The following EPS8 variants were observed in gnomAD, a reference collection of about 807,000 sequenced individuals.
EPS8 encodes epidermal growth factor receptor kinase substrate 8.
EPS8 carries 42 observed loss-of-function variants against 103.8 expected under a neutral mutation model. The observed-to-expected ratio is 0.40, with a 90% confidence interval of 0.32 to 0.52. The LOEUF (loss-of-function observed/expected upper bound fraction) is 0.52, where lower values mean the gene tolerates loss of function less well. Ranked by LOEUF, EPS8 falls within the 20% of genes least tolerant of loss-of-function variation. The pLI is 0.40. For missense variants in EPS8, 969 were observed against 1,005.1 expected, an observed-to-expected ratio of 0.96 and a Z score of 0.49; for synonymous variants, 344 against 344.6, an observed-to-expected ratio of 1.00 and a Z score of 0.02.
At chr12:15,653,796 TGCGC>T (rs1259781432) in intron 13 of EPS8, among the ~76,000 whole-genome samples, 1 of 151,946 alleles carries the variant, frequency 6.6e-6, no homozygotes, top group Non-Finnish European at 1.5e-5. Context: ...GCAAGCACTG[TGCGC>T]GCGCGCGCGC....
rs934232407 is a variant in EPS8, at chr12:15,747,850, C to T, written c.-22+41311G>A. On this transcript the variant is annotated intron_variant, in intron 1 of 20. Coordinates refer to ENST00000281172, the MANE Select transcript of EPS8 (RefSeq NM_004447.6). The surrounding 1 kb of genome is among the most constrained non-coding windows in gnomAD (Gnocchi z 4.4). ...CCTGGCTAACACGGTGAAACCCCGT[C>T]TCTACTAAAAATACAAAGAATTAGC... Among the ~76,000 whole-genome samples, 9 of 152,082 alleles carry T rather than the reference C, an allele frequency of 5.9e-5. No individual in the cohort carries two copies. The highest frequency in any genetic ancestry group is 1.2e-4 in the Non-Finnish European group (8 of 68,024).
In EPS8 at chr12:15,624,382, C is replaced by T; in HGVS notation, c.2070G>A (p.Val690=). ...TCAGTCTGTGGATGAGTTCATCTTG[C>T]ACTTCCTCCATCTGAGATTTCCTTC... ...VDRRKSQMEE[V]QDELIHRLTI... Residue 690 remains valine (V), a synonymous_variant, in exon 19 of 21, where the codon GTG becomes GTA. Transcript: ENST00000281172. The T allele has an allele frequency of 1.3e-6, 2 of 1,574,342 alleles. No individual in the cohort carries two copies. The highest frequency in any genetic ancestry group is 1.7e-6 in the Non-Finnish European group (2 of 1,156,420).
chr12:15,621,926 C>T (rs1005577887), intron 20 of EPS8, among the ~76,000 whole-genome samples: 1 of 152,094 alleles, frequency 6.6e-6, no homozygotes, highest in Non-Finnish European at 1.5e-5. Context: ...TCTGGCAACA[C>T]AGGCAAATAA....
At chr12:15,756,590 A>G (rs1317977855) in intron 1 of EPS8, among the ~76,000 whole-genome samples, 2 of 152,142 alleles carry the variant, frequency 1.3e-5, no homozygotes, top group Non-Finnish European at 1.5e-5. Flanking sequence ...TACCCAATCA[A>G]CAACTATTTA....
At chr12:15,710,318 A>G (rs1159442342) in intron 1 of EPS8, among the ~76,000 whole-genome samples, 1 of 152,246 alleles carries the variant, frequency 6.6e-6, no homozygotes, top group African/African-American at 2.4e-5. Flanking sequence ...GCAAAGTTAA[A>G]TAATATTGCT....
rs1273797242 is a variant in EPS8, at chr12:15,684,332, C to G, written c.-21-1360G>C. ...ATAGATAAAATCCCACTATCAGACA[C>G]TCTCCATACTATAGACAATTTTTCA... On this transcript the variant is annotated intron_variant, in intron 1 of 20. Transcript: ENST00000281172. This position sits in a 1 kb window ranked among gnomAD's most constrained non-coding sequence, Gnocchi z 4.9. The G allele has an allele frequency of 6.6e-6, 1 of 152,140 alleles. No individual in the cohort carries two copies. 9.4% of individuals were successfully genotyped at this position (152,140 alleles called of 1,614,324 possible).
In EPS8 at chr12:15,675,814, G is replaced by A. The variant is rs150938829; in HGVS notation, c.137-4891C>T. Among the ~76,000 whole-genome samples the A allele has an allele frequency of 2.0e-5, 3 of 152,260 alleles. No homozygotes were observed. In the East Asian group the frequency reaches 5.8e-4, roughly 29 times the overall value. On this transcript the variant is annotated intron_variant, in intron 3 of 20. Transcript: ENST00000281172. ...ATGAAATGATCACATTCCAAATTAA[G>A]CAATATCTAATTTAAAGAGAAGTTA...
At chr12:15,683,407 G>A (rs749176286) in intron 1 of EPS8, 1 of 152,446 alleles carries the variant, frequency 6.6e-6, no homozygotes, top group Admixed American at 6.5e-5. Flanking sequence ...ATCACCCAGA[G>A]CCCTATCATT....
At position 15,630,169 on chromosome 12, in the gene EPS8, ATC is replaced by A. The variant is rs139888217; in HGVS notation, c.2044+1271_2044+1272del. 3.7e-3 allele frequency among the ~76,000 whole-genome samples: 543 copies of A among 146,934 alleles called. 2 individuals carry two copies. Among genetic ancestry groups the A allele is most frequent in the Admixed American group, 6.4e-3 (90 of 14,164 alleles). On this transcript the variant is annotated intron_variant, in intron 18 of 20. Coordinates refer to ENST00000281172, the MANE Select transcript of EPS8 (RefSeq NM_004447.6). ...CACATTGAGGGAAAGATAGATATCC[ATC>A]TCTCTCTCTCTGTCTCTCTATCTCT... is the stretch of plus-strand genomic sequence containing the variant.
In EPS8 at chr12:15,654,515, T is replaced by G. The variant is rs891151955; in HGVS notation, c.1102-222A>C. Reference sequence around the variant, plus strand: ...AAATGAAAGTTAACAATTTAACAACTTTCACAGCATCTGCCTATGGGCTGC... The same window carrying G: ...AAATGAAAGTTAACAATTTAACAACGTTCACAGCATCTGCCTATGGGCTGC... On this transcript the variant is annotated intron_variant, in intron 12 of 20. Transcript: ENST00000281172. 8.9e-5 allele frequency: 49 copies of G among 551,760 alleles called. No individual in the cohort carries two copies. The African/African-American group carries it at 8.9e-4, about 10-fold the overall frequency. The allele number at this position is 551,760 out of a possible 1,614,324, so 34.2% of individuals were successfully genotyped here.
At chr12:15,662,999 C>CAAA (rs5796644) in intron 8 of EPS8, among the ~76,000 whole-genome samples, 21 of 128,626 alleles carry the variant, frequency 1.6e-4, no homozygotes, top group East Asian at 4.4e-4. Flanking sequence ...CACTTGCCAA[C>CAAA]AAAAAAAAAA....
At chr12:15,675,472 C>T (rs1437402135) in intron 3 of EPS8, among the ~76,000 whole-genome samples, 3 of 152,140 alleles carry the variant, frequency 2.0e-5, no homozygotes, top group Non-Finnish European at 2.9e-5. Flanking sequence ...TGGTGGCACA[C>T]GCCTATAATC....
intron 12 of EPS8, among the ~76,000 whole-genome samples, chr12:15,656,652 G>A (rs978218402): frequency 2.0e-5 from 3 of 152,004 alleles, no homozygotes; most frequent in African/African-American, 7.2e-5. Context: ...GAATGCCCAG[G>A]GCTCAAGCAG....
At chr12:15,678,988 C>T (rs1025391841) in intron 3 of EPS8, among the ~76,000 whole-genome samples, 8 of 148,560 alleles carry the variant, frequency 5.4e-5, no homozygotes, top group Non-Finnish European at 1.0e-4. Context: ...GCTTCTAATA[C>T]AACATAAACA....
chr12:15,667,991 G>T (rs569402165), intron 6 of EPS8, among the ~76,000 whole-genome samples: 7 of 152,166 alleles, frequency 4.6e-5, no homozygotes, highest in African/African-American at 1.7e-4. Context: ...GGGCTTTTTA[G>T]AACACAGATA....
intron 14 of EPS8, 70 bp from the exon 15 acceptor site, chr12:15,647,330 C>A: frequency 7.5e-7 from 1 of 1,333,222 alleles, no homozygotes; most frequent in Non-Finnish European, 1.0e-6. Flanking sequence ...GGTCAGTCAA[C>A]AAGATCTCTC....
chr12:15,770,919 G>A lies in EPS8; in HGVS notation c.-22+18242C>T, dbSNP rs144583487. On this transcript the variant is annotated intron_variant, in intron 1 of 20. Transcript: ENST00000281172. ...ATCATTTAACCAATACACATTGAGC[G>A]TCTATCACACAAAAGCACCACTCCA... Among the ~76,000 whole-genome samples the A allele has an allele frequency of 1.2e-4, 18 of 152,216 alleles. No individual in the cohort carries two copies. In the East Asian group the frequency reaches 1.9e-3, roughly 16 times the overall value.
At chr12:15,638,291 T>C (rs1945171098) in intron 17 of EPS8, among the ~76,000 whole-genome samples, 1 of 152,152 alleles carries the variant, frequency 6.6e-6, no homozygotes, top group Non-Finnish European at 1.5e-5. Flanking sequence ...AAAGAATATA[T>C]TATAAATGTT....
At chr12:15,677,115 C>T (rs909989386) in intron 3 of EPS8, among the ~76,000 whole-genome samples, 5 of 152,104 alleles carry the variant, frequency 3.3e-5, no homozygotes. Flanking sequence ...GAGGTAATAT[C>T]AAAATATTAC....
Sources: gnomAD v4.1 joint callset for allele counts (sites outside exome capture counted in the v4.1 genomes callset) on GRCh38, gnomAD v4.1.1 for gene constraint, Gnocchi (gnomAD v3.1) non-coding constraint, MANE v1.5 for transcripts, NCBI Gene and HGNC (gene_info 2026-07-23, HGNC 2026-07-21) for gene names.